The following CD109 variants were observed in gnomAD, a reference collection of about 807,000 sequenced individuals.
CD109 encodes CD109 antigen.
CD109 carries 149 observed loss-of-function variants against 165.8 expected under a neutral mutation model. That is an observed-to-expected ratio of 0.90 (90% CI 0.79 to 1.03). CD109 has a LOEUF of 1.03. Ranked by LOEUF, CD109 falls within the 50% of genes least tolerant of loss-of-function variation. The probability of loss-of-function intolerance (pLI) is 0.00; values close to 1 mark genes in which losing one functional copy is unlikely to be tolerated. For synonymous variants in CD109, 585 were observed against 592.1 expected, an observed-to-expected ratio of 0.99 and a Z score of 0.18; for missense variants, 1,712 against 1,677.8, an observed-to-expected ratio of 1.02 and a Z score of -0.36.
At chr6:73,689,324 G>C in the CD109 span, among the ~76,000 whole-genome samples, 1 of 152,124 alleles carries the variant, frequency 6.6e-6, no homozygotes, top group Admixed American at 6.6e-5. Flanking sequence ...CTAAGGTTGG[G>C]GGCAGTCTTA....
Position 73,723,193 on chromosome 6 carries a change from A to G in CD109, c.248-58A>G, listed in dbSNP as rs1338500470. 6.2e-6 allele frequency: 10 copies of G among 1,609,156 alleles called. No individual in the cohort carries two copies. The Admixed American group carries it at 1.0e-4, about 16-fold the overall frequency. On this transcript the variant is annotated intron_variant, in intron 2 of 32. Coordinates refer to ENST00000287097, the MANE Select transcript of CD109 (RefSeq NM_133493.5). ...ATTGGGAGAGTTTTGGAAGGTTTGT[A>G]TTCTATCATCATATTCAAATTGTGC...
intron 7 of CD109, 120 bp downstream of exon 7, chr6:73,759,148 A>T: frequency 1.6e-6 from 1 of 642,954 alleles, no homozygotes. Context: ...CTTAGTGGAC[A>T]GTAAATGACT....
chr6:73,701,989 G>A (rs1771100361), intron 2 of CD109, among the ~76,000 whole-genome samples: 1 of 152,116 alleles, frequency 6.6e-6, no homozygotes, highest in South Asian at 2.1e-4. Context: ...CTGAAATTTT[G>A]GGAACTCTGC....
chr6:73,715,479 C>T (rs950148544), intron 2 of CD109, among the ~76,000 whole-genome samples: 18 of 149,952 alleles, frequency 1.2e-4, no homozygotes, highest in Admixed American at 1.1e-3. Flanking sequence ...GCAGGAAGAT[C>T]GCTTGAGTCC....
At chr6:73,699,569 C>T (rs747466385) in intron 2 of CD109, among the ~76,000 whole-genome samples, 8 of 151,856 alleles carry the variant, frequency 5.3e-5, no homozygotes, top group Non-Finnish European at 1.2e-4. Context: ...ACAAATAGTA[C>T]CTACATTGGG....
chr6:73,697,468 T>G lies in CD109; in HGVS notation c.143T>G (p.Leu48Arg). ...GGAAATGTGACTATTGGGGTGGAGC[T>G]TCTGGAACACTGCCCTTCACAGGTG... The part of the protein sequence containing the change: ...PGGNVTIGVE[L>R]LEHCPSQVTV... The change falls in exon 2 of 33, where the codon CTT becomes CGT. Residue 48 changes from leucine to arginine, a missense_variant. Physicochemically the swap from Leu to Arg is moderately radical, Grantham distance 102. Coordinates refer to ENST00000287097, the MANE Select transcript of CD109 (RefSeq NM_133493.5). The G allele has an allele frequency of 6.2e-7, 1 of 1,614,096 alleles. No homozygotes were observed. Among genetic ancestry groups the G allele is most frequent in the East Asian group, 2.2e-5 (1 of 44,878 alleles).
intron 24 of CD109, 127 bp from the exon 25 acceptor site, chr6:73,806,716 AT>A: frequency 3.1e-6 from 2 of 637,648 alleles, no homozygotes; most frequent in East Asian, 5.5e-5. Context: ...TCCTTGTTCC[AT>A]CTTCAGTGAT....
chr6:73,766,228 C>A, intron 11 of CD109, 74 bp downstream of exon 11: 1 of 1,143,832 alleles, frequency 8.7e-7, no homozygotes, highest in Non-Finnish European at 1.3e-6. Flanking sequence ...AGGCACTCAA[C>A]CTGTCAGAAC....
chr6:73,685,069 A>G, the CD109 span, among the ~76,000 whole-genome samples: 1 of 151,494 alleles, frequency 6.6e-6, no homozygotes, highest in Non-Finnish European at 1.5e-5. Context: ...GGCACAGCTA[A>G]TTTTTGCATT....
upstream of CD109, among the ~76,000 whole-genome samples, chr6:73,691,744 C>T (rs1292069861): frequency 6.6e-6 from 1 of 152,220 alleles, no homozygotes; most frequent in Admixed American, 6.5e-5. Flanking sequence ...ACTGCCCTAC[C>T]AGCTCCCATG....
chr6:73,691,111 A>T (rs561800062), upstream of CD109, among the ~76,000 whole-genome samples: 27 of 152,200 alleles, frequency 1.8e-4, no homozygotes, highest in African/African-American at 6.5e-4. Flanking sequence ...GGCCACCAGA[A>T]CCCACAGGCA....
chr6:73,683,057 C>T, the CD109 span, among the ~76,000 whole-genome samples: 41 of 152,182 alleles, frequency 2.7e-4, 1 homozygote, highest in Admixed American at 2.6e-3. Context: ...AGACATTTTC[C>T]CCATTGTCTT....
chr6:73,736,353 A>G (rs1417389377), intron 4 of CD109, 30 bp from the exon 5 acceptor site: 3 of 1,611,010 alleles, frequency 1.9e-6, no homozygotes, highest in African/African-American at 1.3e-5. Flanking sequence ...GGCAGCCTCT[A>G]CATACTTACA....
rs903663859 is a variant in CD109 at position 73,751,423 on chromosome 6, C to A, written c.634-5220C>A. On this transcript the variant is annotated intron_variant, in intron 5 of 32. Transcript: ENST00000287097. ...TGCTGGGCATCTAGATCACACACCT[C>A]AGCTTCCCTCTTCTGAGGGCTTGCC... 5.3e-5 allele frequency among the ~76,000 whole-genome samples: 8 copies of A among 152,188 alleles called. No individual in the cohort carries two copies. In the East Asian group the frequency reaches 1.5e-3, roughly 29 times the overall value.
chr6:73,681,947 C>T, the CD109 span, among the ~76,000 whole-genome samples: 2 of 152,110 alleles, frequency 1.3e-5, no homozygotes, highest in African/African-American at 4.8e-5. Flanking sequence ...GAGACTTATT[C>T]ACTATCATGA....
At chr6:73,755,188 A>G (rs1379364191) in intron 5 of CD109, among the ~76,000 whole-genome samples, 1 of 152,242 alleles carries the variant, frequency 6.6e-6, no homozygotes, top group Non-Finnish European at 1.5e-5. Context: ...AATGAATCAA[A>G]TACGTGTAAT....
At chr6:73,684,595 C>A in the CD109 span, among the ~76,000 whole-genome samples, 17 of 152,070 alleles carry the variant, frequency 1.1e-4, no homozygotes, top group Middle Eastern at 6.8e-3. Flanking sequence ...ATTTGCATTT[C>A]CCTGATGATT....
At position 73,767,024 on chromosome 6, in the gene CD109, G is replaced by T; in HGVS notation, c.1497+14G>T. Reference sequence around the variant, plus strand: ...TTAAGCTATATGGTAATCTCTTATAGAATCTAAATTTATGATCTATTATAG... The same window carrying T: ...TTAAGCTATATGGTAATCTCTTATATAATCTAAATTTATGATCTATTATAG... On this transcript the variant is annotated intron_variant, in intron 13 of 32. Coordinates refer to ENST00000287097, the MANE Select transcript of CD109 (RefSeq NM_133493.5). 6.2e-7 allele frequency: 1 copy of T among 1,601,200 alleles called. No homozygotes were observed. The highest frequency in any genetic ancestry group is 8.5e-7 in the Non-Finnish European group (1 of 1,170,094).
chr6:73,682,944 C>T, the CD109 span, among the ~76,000 whole-genome samples: 13 of 152,218 alleles, frequency 8.5e-5, no homozygotes, highest in African/African-American at 2.4e-4. Flanking sequence ...AGGCTGCACA[C>T]AGCACAGGGA....
Sources: allele counts gnomAD v4.1 joint callset (sites outside exome capture counted in the v4.1 genomes callset), GRCh38; gene constraint gnomAD v4.1.1; transcripts MANE v1.5; gene names NCBI Gene and HGNC (gene_info 2026-07-23, HGNC 2026-07-21).